The following BCR variants were observed in gnomAD, a reference collection of about 807,000 sequenced individuals.
The protein encoded by BCR is breakpoint cluster region protein.
A neutral mutation model predicts 138.6 loss-of-function variants in BCR; 58 were observed. The observed-to-expected ratio is 0.42, with a 90% CI of 0.34 to 0.52. The LOEUF (loss-of-function observed/expected upper bound fraction) is 0.52, where lower values mean the gene tolerates loss of function less well. Ranked by LOEUF, BCR falls within the 20% of genes least tolerant of loss-of-function variation. The pLI is 0.06. For synonymous variants in BCR, 786 were observed against 730.1 expected (o/e 1.08, Z -1.23); for missense variants, 1,599 against 1,727.2 (o/e 0.93, Z 1.32).
At position 23,314,606 on chromosome 22, in the gene BCR, C is replaced by A. The variant is rs56183727; in HGVS notation, c.3618C>A (p.Val1206=). 2 of 1,612,010 alleles carry A rather than the reference C, an allele frequency of 1.2e-6. No homozygotes were observed. Among genetic ancestry groups the A allele is most frequent in the African/African-American group, 2.7e-5 (2 of 74,992 alleles). The change falls in exon 22 of 23, where the codon GTC becomes GTA. Residue 1206 remains valine, a synonymous_variant. Transcript: ENST00000305877. ...NKMSLHNLAT[V]FGPTLLRPSE... ...TGTCCCTGCACAACCTCGCCACGGT[C>A]TTTGGCCCCACGCTGCTCCGGCCCT...
chr22:23,273,175 C>T (rs1383629599), intron 7 of BCR, 42 bp downstream of exon 7: 2 of 1,594,796 alleles, frequency 1.3e-6, no homozygotes, highest in East Asian at 2.2e-5. Context: ...AAAACTGCCC[C>T]CTCGGGCACA....
At chr22:23,268,308 TC>T in intron 4 of BCR, 99 bp from the exon 5 acceptor site, 1 of 939,022 alleles carries the variant, frequency 1.1e-6, no homozygotes. Context: ...CCGTCTGCTG[TC>T]CCTGGAGTTT....
At chr22:23,213,413 A>G (rs79637071) in intron 1 of BCR, among the ~76,000 whole-genome samples, 151 of 152,296 alleles carry the variant, frequency 9.9e-4, no homozygotes, top group Admixed American at 2.4e-3. Flanking sequence ...CACAGCAGCT[A>G]TGGGCTCAAA....
At chr22:23,228,229 A>G (rs738908) in intron 1 of BCR, among the ~76,000 whole-genome samples, 1 of 152,192 alleles carries the variant, frequency 6.6e-6, no homozygotes, top group Admixed American at 6.5e-5. Flanking sequence ...TTGATGCTGT[A>G]AATTTGCCTC....
chr22:23,240,302 C>CGT (rs200491524), intron 1 of BCR, among the ~76,000 whole-genome samples: 15,841 of 143,980 alleles, frequency 0.11, 902 homozygotes, highest in East Asian at 0.18. Context: ...CCTGGCTGAT[C>CGT]GTGTGTGTGT....
intron 1 of BCR, among the ~76,000 whole-genome samples, chr22:23,225,301 G>A (rs1200763161): frequency 6.6e-6 from 1 of 152,124 alleles, no homozygotes; most frequent in African/African-American, 2.4e-5. Flanking sequence ...AGCGTGCATG[G>A]TGATTATTTT....
At chr22:23,185,789 A>T (rs376082053) in intron 1 of BCR, among the ~76,000 whole-genome samples, 3 of 149,806 alleles carry the variant, frequency 2.0e-5, no homozygotes, top group South Asian at 2.2e-4. Context: ...AGTGCAGCCC[A>T]GCGATCTCGG....
At chr22:23,197,723 G>T (rs1038254494) in intron 1 of BCR, among the ~76,000 whole-genome samples, 1 of 152,160 alleles carries the variant, frequency 6.6e-6, no homozygotes, top group Non-Finnish European at 1.5e-5. Context: ...GAGAGGGGAT[G>T]CCTTTGGAGC....
intron 2 of BCR, among the ~76,000 whole-genome samples, chr22:23,254,776 A>C (rs1458364404): frequency 6.6e-6 from 1 of 152,198 alleles, no homozygotes; most frequent in East Asian, 1.9e-4. Flanking sequence ...TCTTGGGCTG[A>C]GAAAATCACT....
At chr22:23,295,820 G>A (rs1406856287) in intron 16 of BCR, among the ~76,000 whole-genome samples, 1 of 152,124 alleles carries the variant, frequency 6.6e-6, no homozygotes, top group Non-Finnish European at 1.5e-5. Context: ...ATCATAGCTG[G>A]CGCCCCAGGC....
Position 23,315,430 on chromosome 22 carries a change from C to T in BCR, c.3727-3C>T, listed in dbSNP as rs1265459747. 1 of 1,613,630 alleles carries T rather than the reference C, an allele frequency of 6.2e-7. No individual in the cohort carries two copies. The highest frequency in any genetic ancestry group is 1.1e-5 in the South Asian group (1 of 91,070). ...TCTTCTCTTCCCTACTCTGCCCGGG[C>T]AGGTCCAGGTGCTGCTGTACTTCCT... On this transcript the variant is annotated splice_region_variant and splice_polypyrimidine_tract_variant and intron_variant, in intron 22 of 22. Coordinates refer to ENST00000305877, the MANE Select transcript of BCR (RefSeq NM_004327.4).
intron 8 of BCR, chr22:23,283,441 A>G (rs1375317426): frequency 1.3e-5 from 2 of 153,868 alleles, no homozygotes; most frequent in Non-Finnish European, 2.9e-5. Context: ...GTCTCCACCC[A>G]TAGACCATAC....
At chr22:23,285,349 T>C in intron 10 of BCR, 148 bp downstream of exon 10, 1 of 816,560 alleles carries the variant, frequency 1.2e-6, no homozygotes, top group Non-Finnish European at 1.9e-6. Context: ...CTTGGAGGGC[T>C]GGGCATCTGG....
At chr22:23,279,538 G>T (rs916058404) in intron 8 of BCR, among the ~76,000 whole-genome samples, 1 of 152,228 alleles carries the variant, frequency 6.6e-6, no homozygotes, top group Non-Finnish European at 1.5e-5. Context: ...GCTTTGCTCT[G>T]GGGGCAGGGT....
intron 5 of BCR, among the ~76,000 whole-genome samples, chr22:23,271,080 C>T (rs980843725): frequency 1.6e-4 from 24 of 152,340 alleles, no homozygotes; most frequent in East Asian, 1.9e-4. Context: ...GGAGCATGCT[C>T]CTGTTGGCCT....
rs748111546 is a variant in BCR at position 23,182,024 on chromosome 22, C to T, written c.1064C>T (p.Pro355Leu). 2.7e-5 allele frequency: 44 copies of T among 1,613,108 alleles called. No homozygotes were observed. The highest frequency in any genetic ancestry group is 3.3e-4 in the Middle Eastern group (2 of 6,056). Residue 355 changes from proline to leucine, a missense_variant, in exon 1 of 23, where the codon CCA becomes CTA. Coordinates refer to ENST00000305877, the MANE Select transcript of BCR (RefSeq NM_004327.4). ...TCTGGCCAGTCCAGCCGCGTGTCCC[C>T]AAGCCCCACCACCTACCGCATGTTC... ...FSSGQSSRVSPSPTTYRMFRD... is the reference protein window; with the variant it reads ...FSSGQSSRVSLSPTTYRMFRD...
chr22:23,197,951 G>A (rs1192623727), intron 1 of BCR, among the ~76,000 whole-genome samples: 1 of 152,136 alleles, frequency 6.6e-6, no homozygotes, highest in South Asian at 2.1e-4. Flanking sequence ...GCCTTTCGGA[G>A]AGAGGACCAG....
Position 23,190,656 on chromosome 22 carries a change from G to A in BCR, c.1279+8417G>A, listed in dbSNP as rs190858363. On this transcript the variant is annotated intron_variant, in intron 1 of 22. Transcript: ENST00000305877. Reference sequence around the variant, plus strand: ...TTAGTTCGTAACACTTGGTGAGTCCGTTACTGGGCAGCAGAGGAAAGGGCT... The same window carrying A: ...TTAGTTCGTAACACTTGGTGAGTCCATTACTGGGCAGCAGAGGAAAGGGCT... Among the ~76,000 whole-genome samples the A allele has an allele frequency of 1.1e-3, 166 of 152,288 alleles. 2 individuals are homozygous for A. The highest frequency in any genetic ancestry group is 7.6e-3 in the Admixed American group (116 of 15,294).
intron 1 of BCR, among the ~76,000 whole-genome samples, chr22:23,229,596 G>C (rs1557497): frequency 0.6 from 91,079 of 152,010 alleles, 28,084 homozygotes; most frequent in African/African-American, 0.74. Context: ...GTTGACCACT[G>C]AGGGATCAGT....
Sources: gnomAD v4.1 joint callset for allele counts (sites outside exome capture counted in the v4.1 genomes callset) on GRCh38, gnomAD v4.1.1 for gene constraint, MANE v1.5 for transcripts, NCBI Gene and HGNC (gene_info 2026-07-23, HGNC 2026-07-21) for gene names.